The following BCAS3 variants were observed in gnomAD, a reference collection of about 807,000 sequenced individuals.
BCAS3 encodes the protein BCAS3 microtubule associated cell migration factor, also known as BCAS4/BCAS3 fusion.
A neutral mutation model predicts 116.1 loss-of-function variants in BCAS3; 53 were observed. The observed-to-expected ratio is 0.46, with a 90% CI of 0.37 to 0.57. The LOEUF is 0.57. Ranked by LOEUF, BCAS3 falls within the 20% of genes least tolerant of loss-of-function variation. The probability of loss-of-function intolerance (pLI) is 0.00; values close to 1 mark genes in which losing one functional copy is unlikely to be tolerated. For missense variants in BCAS3, 917 were observed against 1,165.4 expected (o/e 0.79, Z 3.10); for synonymous variants, 391 against 408.2 (o/e 0.96, Z 0.51).
chr17:61,235,209 G>A lies in BCAS3; in HGVS notation c.2426-133118G>A, dbSNP rs559555393. 2.6e-5 allele frequency among the ~76,000 whole-genome samples: 4 copies of A among 152,262 alleles called. No homozygotes were observed. In the South Asian group the frequency reaches 6.2e-4, roughly 24 times the overall value. ...GCTGTCTGCCCCCCGCCTGTCCTAA[G>A]CACTTTAAATGTGTCAACTCATTTG... On this transcript the variant is annotated intron_variant, in intron 22 of 23. Transcript: ENST00000407086. The surrounding 1 kb of genome is among the most constrained non-coding windows in gnomAD (Gnocchi z 5.0).
intron 22 of BCAS3, among the ~76,000 whole-genome samples, chr17:61,297,663 G>A (rs564723661): frequency 8.3e-4 from 126 of 152,278 alleles, no homozygotes; most frequent in Middle Eastern, 6.8e-3. Context: ...CAGTGTGATG[G>A]GGGTCCTCAG....
chr17:60,686,094 T>A (rs1417948455), intron 3 of BCAS3, among the ~76,000 whole-genome samples: 1 of 152,068 alleles, frequency 6.6e-6, no homozygotes, highest in Non-Finnish European at 1.5e-5. Context: ...GGTCTCCATC[T>A]CCTGACCTTG....
chr17:60,707,691 TGA>T (rs2037340999), intron 4 of BCAS3, among the ~76,000 whole-genome samples: 1 of 64,386 alleles, frequency 1.6e-5, no homozygotes, highest in Non-Finnish European at 5.8e-5. Flanking sequence ...CTTGATTTGC[TGA>T]GTTTTTAAAA....
At chr17:61,271,840 CT>C (rs1253593258) in intron 22 of BCAS3, among the ~76,000 whole-genome samples, 2 of 152,038 alleles carry the variant, frequency 1.3e-5, no homozygotes, top group African/African-American at 4.8e-5. Context: ...AACAAGGTCT[CT>C]CTCTGTTGCC....
chr17:60,710,608 T>C (rs1296242943), intron 5 of BCAS3, among the ~76,000 whole-genome samples: 9 of 151,588 alleles, frequency 5.9e-5, no homozygotes, highest in Non-Finnish European at 1.3e-4. Context: ...ATTTTTTGTA[T>C]TTTTAGTACA....
chr17:61,313,942 G>C lies in BCAS3; in HGVS notation c.2426-54385G>C, dbSNP rs1001979193. Among the ~76,000 whole-genome samples the C allele has an allele frequency of 6.6e-6, 1 of 152,180 alleles. No homozygotes were observed. ...TTAGTGCTGGCTCCAGAGTCTCGTGGGGGAAGCCGGCTGGCAGCACACAGG... is the reference window on the plus strand; with the variant it reads ...TTAGTGCTGGCTCCAGAGTCTCGTGCGGGAAGCCGGCTGGCAGCACACAGG... On this transcript the variant is annotated intron_variant, in intron 22 of 23. Coordinates refer to ENST00000407086, the MANE Select transcript of BCAS3 (RefSeq NM_017679.5). This position sits in a 1 kb window ranked among gnomAD's most constrained non-coding sequence, Gnocchi z 4.3.
At chr17:61,005,037 A>G (rs2064558378) in intron 15 of BCAS3, among the ~76,000 whole-genome samples, 1 of 152,166 alleles carries the variant, frequency 6.6e-6, no homozygotes, top group South Asian at 2.1e-4. Context: ...GTTTTCCGGC[A>G]GTGCTCCAGC....
rs2082180890 is a variant in BCAS3 at position 61,222,818 on chromosome 17, G to A, written c.2425+138254G>A. ...TTGAAGTTTCCTTTTGCCTCAGTCA[G>A]CTGCCTTGAATGAAATTATCTGCTG... On this transcript the variant is annotated intron_variant, in intron 22 of 23. Coordinates refer to ENST00000407086, the MANE Select transcript of BCAS3 (RefSeq NM_017679.5). The surrounding 1 kb of genome is among the most constrained non-coding windows in gnomAD (Gnocchi z 6.1). 1.3e-5 allele frequency among the ~76,000 whole-genome samples: 2 copies of A among 152,162 alleles called. No homozygotes were observed.
chr17:60,787,950 A>C (rs2046422347), intron 6 of BCAS3, among the ~76,000 whole-genome samples: 1 of 152,046 alleles, frequency 6.6e-6, no homozygotes. Flanking sequence ...AGTTAAAAAA[A>C]AAGATGAATG....
chr17:60,901,750 G>A (rs1047920347), intron 10 of BCAS3, among the ~76,000 whole-genome samples: 4 of 152,182 alleles, frequency 2.6e-5, no homozygotes, highest in African/African-American at 9.7e-5. Flanking sequence ...ACAATGTAAA[G>A]CATTTTTAAT....
intron 4 of BCAS3, among the ~76,000 whole-genome samples, chr17:60,691,266 G>T (rs115450944): frequency 2.5e-3 from 385 of 152,186 alleles, no homozygotes; most frequent in African/African-American, 8.8e-3. Flanking sequence ...TTTGAGAATT[G>T]CTGGCTTATA....
At position 61,083,609 on chromosome 17, in the gene BCAS3, T is replaced by A. The variant is rs2143530735; in HGVS notation, c.2328-858T>A. Among the ~76,000 whole-genome samples, 1 of 151,646 alleles carries A rather than the reference T, an allele frequency of 6.6e-6. No homozygotes were observed. Among genetic ancestry groups the A allele is most frequent in the South Asian group, 2.1e-4 (1 of 4,800 alleles). ...TATGTTTATTATTCTTTTTTTTTTT[T>A]TTTTGAGACGGAGTCTTGCTCTGTC... On this transcript the variant is annotated intron_variant, in intron 21 of 23. Transcript: ENST00000407086. The surrounding 1 kb of genome is among the most constrained non-coding windows in gnomAD (Gnocchi z 4.9).
rs969097154 is a variant in BCAS3, at chr17:61,339,720, C to G, written c.2426-28607C>G. On this transcript the variant is annotated intron_variant, in intron 22 of 23. Transcript: ENST00000407086. This position sits in a 1 kb window ranked among gnomAD's most constrained non-coding sequence, Gnocchi z 4.4. ...GGTGGCGGTTACAGTGAGCTGAGAT[C>G]GCGCCACTGTACTCCAGTCGGGGCG... Among the ~76,000 whole-genome samples, 3 of 150,746 alleles carry G rather than the reference C, an allele frequency of 2.0e-5. No homozygotes were observed. Among genetic ancestry groups the G allele is most frequent in the African/African-American group, 4.9e-5 (2 of 40,904 alleles).
intron 22 of BCAS3, among the ~76,000 whole-genome samples, chr17:61,167,644 A>T (rs185824560): frequency 6.6e-6 from 1 of 152,214 alleles, no homozygotes; most frequent in Non-Finnish European, 1.5e-5. Context: ...GTAGACCTCT[A>T]AAAAACTGGA....
intron 6 of BCAS3, among the ~76,000 whole-genome samples, chr17:60,791,434 A>C (rs1257922133): frequency 6.6e-6 from 1 of 152,124 alleles, no homozygotes; most frequent in Non-Finnish European, 1.5e-5. Context: ...TGGGATAATC[A>C]CTTGAGGCCA....
rs371881802 is a variant in BCAS3, at chr17:60,874,648, C to G, written c.585-14C>G. On this transcript the variant is annotated splice_polypyrimidine_tract_variant and intron_variant, in intron 8 of 23. Transcript: ENST00000407086. Reference sequence around the variant, plus strand: ...CTTTTTTTCTTTCTGTTTTTTTTCTCTCTCTAATTTTAGGATCCTTGTCGT... The same window carrying G: ...CTTTTTTTCTTTCTGTTTTTTTTCTGTCTCTAATTTTAGGATCCTTGTCGT... The G allele has an allele frequency of 1.9e-5, 30 of 1,568,958 alleles. No individual in the cohort carries two copies. In the African/African-American group the frequency reaches 3.6e-4, roughly 19 times the overall value.
At chr17:61,173,011 A>G (rs2144126657) in intron 22 of BCAS3, among the ~76,000 whole-genome samples, 1 of 94,626 alleles carries the variant, frequency 1.1e-5, no homozygotes, top group South Asian at 4.2e-4. Context: ...AATAAATAGG[A>G]TTTAAGTCAT....
At chr17:61,108,559 G>T (rs749176604) in intron 22 of BCAS3, among the ~76,000 whole-genome samples, 1 of 144,306 alleles carries the variant, frequency 6.9e-6, no homozygotes, top group African/African-American at 2.5e-5. Flanking sequence ...CTTCCTGTAG[G>T]TTATGGAACA....
chr17:60,791,636 C>CA (rs1290772527), intron 6 of BCAS3, among the ~76,000 whole-genome samples: 1 of 152,140 alleles, frequency 6.6e-6, no homozygotes, highest in Non-Finnish European at 1.5e-5. Flanking sequence ...AGCAAGACCC[C>CA]ATCTCTGAAA....
Sources: allele counts gnomAD v4.1 joint callset (sites outside exome capture counted in the v4.1 genomes callset), GRCh38; gene constraint gnomAD v4.1.1; non-coding constraint Gnocchi (gnomAD v3.1); transcripts MANE v1.5; gene names NCBI Gene and HGNC (gene_info 2026-07-23, HGNC 2026-07-21).